The following CHRM3 variants were observed in gnomAD, a reference collection of about 807,000 sequenced individuals.
CHRM3 encodes the protein cholinergic receptor muscarinic 3, also known as muscarinic acetylcholine receptor M3.
In CHRM3, 11 loss-of-function variants were observed where a neutral mutation model predicts 41.8. The ratio of observed to expected loss-of-function variants is 0.26; its 90% confidence interval spans 0.17 to 0.44. CHRM3 has a LOEUF of 0.44. Ranked by LOEUF, CHRM3 falls within the 20% of genes least tolerant of loss-of-function variation. The pLI is 1.00. For missense variants in CHRM3, 571 were observed against 745.4 expected (o/e 0.77, Z 2.72); for synonymous variants, 297 against 301.4 (o/e 0.99, Z 0.15).
At chr1:239,852,085 A>G (rs1417753406) in intron 6 of CHRM3, among the ~76,000 whole-genome samples, 1 of 152,138 alleles carries the variant, frequency 6.6e-6, no homozygotes, top group East Asian at 1.9e-4. Context: ...GAAACATGAG[A>G]CAGCAGGTCC....
intron 3 of CHRM3, among the ~76,000 whole-genome samples, chr1:239,592,600 G>T (rs779104854): frequency 6.6e-6 from 1 of 151,934 alleles, no homozygotes; most frequent in Non-Finnish European, 1.5e-5. Context: ...TATTTTCAAG[G>T]TTCATTCCTG....
Position 239,847,129 on chromosome 1 carries a change from A to G in CHRM3, c.-20+19751A>G, listed in dbSNP as rs189152771. On this transcript the variant is annotated intron_variant, in intron 6 of 6. Coordinates refer to ENST00000676153, the MANE Select transcript of CHRM3 (RefSeq NM_001375978.1). ...TGGCTGCTGGAGCTCCACCCATCAC[A>G]TCTGTATTCCAAAAATAAGACGAAA... Among the ~76,000 whole-genome samples the G allele has an allele frequency of 3.6e-3, 550 of 152,252 alleles. 5 individuals carry two copies. The highest frequency in any genetic ancestry group is 0.012 in the African/African-American group (508 of 41,560).
chr1:239,908,864 C>G lies in CHRM3; in HGVS notation c.1413C>G (p.Thr471=). 6.2e-7 allele frequency: 1 copy of G among 1,614,050 alleles called. No homozygotes were observed. The highest frequency in any genetic ancestry group is 1.3e-5 in the African/African-American group (1 of 75,012). ...ATLAKRFALK[T]RSQITKRKRM... is the part of the protein sequence containing the mutation. The stretch of plus-strand genomic sequence containing the variant: ...TGGCCAAGAGGTTTGCTCTGAAGAC[C>G]AGAAGTCAGATCACTAAGCGGAAAA... The change falls in exon 7 of 7, where the codon ACC becomes ACG. Residue 471 remains threonine, a synonymous_variant. Transcript: ENST00000676153. This position sits in a 1 kb window ranked among gnomAD's most constrained non-coding sequence, Gnocchi z 7.2.
intron 3 of CHRM3, among the ~76,000 whole-genome samples, chr1:239,621,210 T>C (rs1340738319): frequency 1.3e-5 from 2 of 152,184 alleles, no homozygotes; most frequent in African/African-American, 2.4e-5. Flanking sequence ...GCAAGCTTAA[T>C]TGATAAATGT....
chr1:239,654,896 C>T (rs1573150526), intron 4 of CHRM3, among the ~76,000 whole-genome samples: 4 of 152,304 alleles, frequency 2.6e-5, no homozygotes, highest in South Asian at 4.1e-4. Flanking sequence ...GAAAGGACAA[C>T]AATTTGGGAC....
intron 5 of CHRM3, among the ~76,000 whole-genome samples, chr1:239,685,832 A>C (rs1160649777): frequency 6.6e-6 from 1 of 152,076 alleles, no homozygotes; most frequent in African/African-American, 2.4e-5. Context: ...AAAACAAACA[A>C]ACAAACAAAA....
chr1:239,817,015 G>A (rs920161478), intron 5 of CHRM3, among the ~76,000 whole-genome samples: 3 of 152,086 alleles, frequency 2.0e-5, no homozygotes, highest in South Asian at 2.1e-4. Context: ...GAGCCACCAC[G>A]CCCAGCTGCC....
At chr1:239,641,271 T>A (rs1324340539) in intron 4 of CHRM3, among the ~76,000 whole-genome samples, 4 of 151,956 alleles carry the variant, frequency 2.6e-5, no homozygotes, top group South Asian at 4.2e-4. Context: ...TCTGTAGATG[T>A]CTATTAGGTC....
chr1:239,547,116 G>A (rs374635832), intron 3 of CHRM3, among the ~76,000 whole-genome samples: 1 of 152,088 alleles, frequency 6.6e-6, no homozygotes, highest in Admixed American at 6.5e-5. Flanking sequence ...GAGGGCAGTG[G>A]TCTGTTACAT....
chr1:239,437,877 G>A (rs1382844647), intron 1 of CHRM3, among the ~76,000 whole-genome samples: 1 of 152,180 alleles, frequency 6.6e-6, no homozygotes, highest in East Asian at 1.9e-4. Flanking sequence ...CTGGATTTAA[G>A]ACAAAAATGA....
At chr1:239,412,138 G>T (rs1661126548) in intron 1 of CHRM3, among the ~76,000 whole-genome samples, 4 of 150,014 alleles carry the variant, frequency 2.7e-5, no homozygotes, top group Admixed American at 2.7e-4. Context: ...AGTGAACTAT[G>T]ATATTATCTT....
chr1:239,397,328 G>T (rs1023758974), intron 1 of CHRM3, among the ~76,000 whole-genome samples: 1 of 151,836 alleles, frequency 6.6e-6, no homozygotes, highest in African/African-American at 2.4e-5. Flanking sequence ...CATATGTATA[G>T]GTATATTACT....
intron 5 of CHRM3, among the ~76,000 whole-genome samples, chr1:239,701,539 T>C (rs1660687620): frequency 6.6e-6 from 1 of 152,222 alleles, no homozygotes; most frequent in Non-Finnish European, 1.5e-5. Context: ...CCTCATCAAA[T>C]TAGGCCTAGA....
intron 2 of CHRM3, among the ~76,000 whole-genome samples, chr1:239,520,085 A>G (rs1351664161): frequency 6.6e-6 from 1 of 152,138 alleles, no homozygotes; most frequent in African/African-American, 2.4e-5. Flanking sequence ...TATACCAAAT[A>G]CCAAATGTTT....
chr1:239,719,291 G>A (rs1662698645), intron 5 of CHRM3, among the ~76,000 whole-genome samples: 1 of 151,908 alleles, frequency 6.6e-6, no homozygotes, highest in African/African-American at 2.4e-5. Flanking sequence ...CCCTGCTCTT[G>A]GTTATACCTG....
chr1:239,620,423 C>A lies in CHRM3; in HGVS notation c.-312-11801C>A, dbSNP rs375439734. ...TACTTTTCTTTCCAAAAATCAGATA[C>A]GTAGGTAGATACATATATAGATAGA... On this transcript the variant is annotated intron_variant, in intron 3 of 6. Coordinates refer to ENST00000676153, the MANE Select transcript of CHRM3 (RefSeq NM_001375978.1). Among the ~76,000 whole-genome samples the A allele has an allele frequency of 2.6e-5, 4 of 151,624 alleles. No individual in the cohort carries two copies. The South Asian group carries it at 8.3e-4, about 32-fold the overall frequency.
At chr1:239,601,850 G>T (rs1665582413) in intron 3 of CHRM3, among the ~76,000 whole-genome samples, 1 of 151,682 alleles carries the variant, frequency 6.6e-6, no homozygotes, top group South Asian at 2.1e-4. Context: ...TGTTCCTAGT[G>T]GTGCAATAAC....
At chr1:239,766,752 C>T (rs1403447165) in intron 5 of CHRM3, among the ~76,000 whole-genome samples, 2 of 151,174 alleles carry the variant, frequency 1.3e-5, no homozygotes, top group Non-Finnish European at 2.9e-5. Context: ...TGCTCTGTCA[C>T]CCAGGCTGGA....
At chr1:239,701,605 T>A (rs1276811712) in intron 5 of CHRM3, among the ~76,000 whole-genome samples, 1 of 152,190 alleles carries the variant, frequency 6.6e-6, no homozygotes, top group Non-Finnish European at 1.5e-5. Context: ...CACGTTCTCA[T>A]CCATCCTGCA....
Sources: gnomAD v4.1 joint callset for allele counts (sites outside exome capture counted in the v4.1 genomes callset) on GRCh38, gnomAD v4.1.1 for gene constraint, Gnocchi (gnomAD v3.1) non-coding constraint, MANE v1.5 for transcripts, NCBI Gene and HGNC (gene_info 2026-07-23, HGNC 2026-07-21) for gene names.